SCAPER: variants seen among roughly 807,000 people sequenced by gnomAD.
SCAPER encodes S-phase cyclin A associated protein in the ER.
In SCAPER, 98 loss-of-function variants were observed where a neutral mutation model predicts 182.2. That is an observed-to-expected ratio of 0.54 (90% CI 0.46 to 0.64). The LOEUF (loss-of-function observed/expected upper bound fraction) is 0.64, where lower values mean the gene tolerates loss of function less well. Ranked by LOEUF, SCAPER falls within the 30% of genes least tolerant of loss-of-function variation. SCAPER has a pLI of 0.00. For missense variants in SCAPER, 1,432 were observed against 1,690.0 expected, an observed-to-expected ratio of 0.85 and a Z score of 2.68; for synonymous variants, 605 against 564.6, an observed-to-expected ratio of 1.07 and a Z score of -1.01.
chr15:76,521,259 T>C (rs1198631906), intron 23 of SCAPER, among the ~76,000 whole-genome samples: 1 of 149,772 alleles, frequency 6.7e-6, no homozygotes, highest in East Asian at 1.9e-4. Context: ...TTTTATGGTA[T>C]ATTTTATAAC....
In SCAPER at chr15:76,376,425, C is replaced by G; in HGVS notation, c.3706-114G>C. On this transcript the variant is annotated intron_variant, in intron 28 of 31. Coordinates refer to ENST00000563290, the MANE Select transcript of SCAPER (RefSeq NM_020843.4). The stretch of plus-strand genomic sequence containing the variant: ...CTGCCATGGTGGTGGAAAAACATGA[C>G]ATTTCTACAGTACTATGCTTAATGC... 5 of 1,143,440 alleles carry G rather than the reference C, an allele frequency of 4.4e-6. No individual in the cohort carries two copies. In the South Asian group the frequency reaches 8.2e-5, roughly 19 times the overall value. 70.8% of individuals were successfully genotyped at this position (1,143,440 alleles called of 1,614,324 possible).
chr15:76,741,601 A>G (rs1354611571), intron 15 of SCAPER, among the ~76,000 whole-genome samples: 1 of 152,092 alleles, frequency 6.6e-6, no homozygotes, highest in African/African-American at 2.4e-5. Flanking sequence ...GAGTTAGAGA[A>G]CTGCAGGTGT....
intron 1 of SCAPER, among the ~76,000 whole-genome samples, chr15:76,899,018 T>C (rs566275108): frequency 7.9e-5 from 12 of 152,336 alleles, no homozygotes; most frequent in Admixed American, 3.3e-4. Flanking sequence ...TTCATGATAT[T>C]TGCCATAACT....
chr15:76,533,859 C>T (rs561437584), intron 23 of SCAPER, among the ~76,000 whole-genome samples: 1 of 152,270 alleles, frequency 6.6e-6, no homozygotes, highest in South Asian at 2.1e-4. Flanking sequence ...AATATCACCA[C>T]AGAAAACACA....
chr15:76,743,464 A>G (rs1057335765), intron 15 of SCAPER, among the ~76,000 whole-genome samples: 1 of 152,194 alleles, frequency 6.6e-6, no homozygotes, highest in African/African-American at 2.4e-5. Flanking sequence ...CAGGATATAA[A>G]AATCAATGTA....
intron 23 of SCAPER, among the ~76,000 whole-genome samples, chr15:76,525,713 T>G (rs1236734677): frequency 6.6e-6 from 1 of 152,228 alleles, no homozygotes. Context: ...GGCTGTGTAG[T>G]ATTCAATGGT....
At chr15:76,849,922 G>GT in intron 4 of SCAPER, among the ~76,000 whole-genome samples, 1 of 152,282 alleles carries the variant, frequency 6.6e-6, no homozygotes, top group Non-Finnish European at 1.5e-5. Context: ...GCAGGACAGA[G>GT]TGAGTGCCAG....
intron 27 of SCAPER, among the ~76,000 whole-genome samples, chr15:76,393,068 C>G (rs572518517): frequency 6.6e-6 from 1 of 152,200 alleles, no homozygotes; most frequent in African/African-American, 2.4e-5. Flanking sequence ...TCTTTCCATT[C>G]CTTCAAGTAA....
At chr15:76,871,454 AT>A (rs2072726503) in intron 2 of SCAPER, among the ~76,000 whole-genome samples, 1 of 151,776 alleles carries the variant, frequency 6.6e-6, no homozygotes, top group South Asian at 2.1e-4. Context: ...TAACCAAAAA[AT>A]AAATAAATAA....
chr15:76,755,799 G>A (rs1207863587), intron 14 of SCAPER, among the ~76,000 whole-genome samples: 1 of 152,176 alleles, frequency 6.6e-6, no homozygotes, highest in Non-Finnish European at 1.5e-5. Context: ...CACTGGCCAT[G>A]TCATGAAGAC....
intron 23 of SCAPER, among the ~76,000 whole-genome samples, chr15:76,573,107 G>A (rs2047565186): frequency 6.6e-6 from 1 of 152,018 alleles, no homozygotes; most frequent in Non-Finnish European, 1.5e-5. Context: ...GGTCTATTGT[G>A]CAATATTTTA....
chr15:76,523,263 T>C (rs1455496021), intron 23 of SCAPER, among the ~76,000 whole-genome samples: 2 of 152,070 alleles, frequency 1.3e-5, no homozygotes, highest in Admixed American at 6.6e-5. Flanking sequence ...AGATGAGAAA[T>C]ATATATTTGC....
chr15:76,896,687 G>C (rs1282645535), intron 1 of SCAPER, among the ~76,000 whole-genome samples: 1 of 152,182 alleles, frequency 6.6e-6, no homozygotes, highest in Non-Finnish European at 1.5e-5. Context: ...GGGAGGCCAA[G>C]GCAGGCAGAC....
At chr15:76,396,113 G>A (rs1275151952) in intron 27 of SCAPER, among the ~76,000 whole-genome samples, 1 of 152,142 alleles carries the variant, frequency 6.6e-6, no homozygotes, top group East Asian at 1.9e-4. Flanking sequence ...TTATGCTCTT[G>A]GCACCTTTGT....
chr15:76,490,380 A>T (rs1009147971), intron 24 of SCAPER, among the ~76,000 whole-genome samples: 1 of 152,172 alleles, frequency 6.6e-6, no homozygotes, highest in Non-Finnish European at 1.5e-5. Flanking sequence ...TATTCCTCTG[A>T]CAGTTAGGGA....
At chr15:76,716,006 C>T (rs1167443583) in intron 17 of SCAPER, among the ~76,000 whole-genome samples, 1 of 152,132 alleles carries the variant, frequency 6.6e-6, no homozygotes, top group Non-Finnish European at 1.5e-5. Context: ...GCCCTAAAAC[C>T]CAGTGCTGCT....
chr15:76,784,122 A>G (rs1350297049), intron 8 of SCAPER, among the ~76,000 whole-genome samples: 4 of 152,206 alleles, frequency 2.6e-5, no homozygotes, highest in Non-Finnish European at 5.9e-5. Context: ...ACATGATTGT[A>G]TATTTAAAAA....
At chr15:76,704,860 C>A (rs1458954581) in intron 18 of SCAPER, among the ~76,000 whole-genome samples, 1 of 152,152 alleles carries the variant, frequency 6.6e-6, no homozygotes, top group Non-Finnish European at 1.5e-5. Flanking sequence ...CATCTCACAC[C>A]AGTTAGAATG....
chr15:76,694,581 C>T lies in SCAPER; in HGVS notation c.2508+7177G>A, dbSNP rs180831987. Among the ~76,000 whole-genome samples the T allele has an allele frequency of 2.0e-4, 30 of 151,858 alleles. No individual in the cohort carries two copies. In the East Asian group the frequency reaches 5.2e-3, roughly 26 times the overall value. Reference sequence around the variant, plus strand: ...ATTTTAAGTTATGTGTATTTTACCACAAAAAAAGACAGAAAACAAATTTTC... The same window carrying T: ...ATTTTAAGTTATGTGTATTTTACCATAAAAAAAGACAGAAAACAAATTTTC... On this transcript the variant is annotated intron_variant, in intron 20 of 31. Coordinates refer to ENST00000563290, the MANE Select transcript of SCAPER (RefSeq NM_020843.4).
Sources: allele counts gnomAD v4.1 joint callset (sites outside exome capture counted in the v4.1 genomes callset), GRCh38; gene constraint gnomAD v4.1.1; transcripts MANE v1.5; gene names NCBI Gene and HGNC (gene_info 2026-07-23, HGNC 2026-07-21).